The following ABCD2 variants were observed in gnomAD, a reference collection of about 807,000 sequenced individuals.
The protein encoded by ABCD2 is ATP-binding cassette sub-family D member 2.
ABCD2 carries 36 observed loss-of-function variants against 70.9 expected under a neutral mutation model. The ratio of observed to expected loss-of-function variants is 0.51; its 90% CI spans 0.39 to 0.67. The LOEUF (loss-of-function observed/expected upper bound fraction) is 0.67. Ranked by LOEUF, ABCD2 falls within the 30% of genes least tolerant of loss-of-function variation. ABCD2 has a pLI of 0.00. For synonymous variants in ABCD2, 304 were observed against 306.9 expected (o/e 0.99, Z 0.10); for missense variants, 729 against 890.2 (o/e 0.82, Z 2.30).
the ABCD2 span, among the ~76,000 whole-genome samples, chr12:39,531,399 G>A: frequency 6.6e-6 from 1 of 152,198 alleles, no homozygotes; most frequent in Non-Finnish European, 1.5e-5. Flanking sequence ...ATGCCCTTAA[G>A]AAGGAGGCTT....
At chr12:39,567,324 G>A (rs1053467526) in intron 9 of ABCD2, among the ~76,000 whole-genome samples, 1 of 152,170 alleles carries the variant, frequency 6.6e-6, no homozygotes, top group African/African-American at 2.4e-5. Context: ...TCTGTATTGG[G>A]TGCATATATA....
intron 8 of ABCD2, among the ~76,000 whole-genome samples, chr12:39,575,574 C>T (rs965659370): frequency 1.2e-4 from 18 of 152,226 alleles, no homozygotes; most frequent in African/African-American, 4.3e-4. Flanking sequence ...ATTTAAAATC[C>T]TCTCAAAAAG....
At chr12:39,594,197 A>T (rs1941784079) in intron 6 of ABCD2, among the ~76,000 whole-genome samples, 1 of 152,172 alleles carries the variant, frequency 6.6e-6, no homozygotes, top group African/African-American at 2.4e-5. Flanking sequence ...GATACCAATA[A>T]GGCAAAATGA....
intron 9 of ABCD2, among the ~76,000 whole-genome samples, chr12:39,568,677 C>T (rs1202359338): frequency 3.9e-5 from 6 of 152,166 alleles, no homozygotes; most frequent in Non-Finnish European, 7.3e-5. Flanking sequence ...TGAGGAGCTG[C>T]GTTCCTTTGG....
chr12:39,586,197 T>A lies in ABCD2; in HGVS notation c.1747A>T (p.Ile583Phe), dbSNP rs766723246. The A allele has an allele frequency of 1.2e-6, 2 of 1,613,576 alleles. No homozygotes were observed. Among genetic ancestry groups the A allele is most frequent in the South Asian group, 1.1e-5 (1 of 90,996 alleles). ...TGATAGAGATGGACATTGTGTAGGATACGTTCCAGATCTTGGTCTGTATAA... is the reference window on the plus strand; with the variant it reads ...TGATAGAGATGGACATTGTGTAGGAAACGTTCCAGATCTTGGTCTGTATAA... Reference protein sequence around the residue: ...KGYTDQDLERILHNVHLYHIV... With the variant: ...KGYTDQDLERFLHNVHLYHIV... Residue 583 changes from isoleucine to phenylalanine, a missense_variant, in exon 7 of 10, where the codon ATC (isoleucine) becomes TTC (phenylalanine). Around this residue, in one of 3 missense-constraint regions of ABCD2, gnomAD observed 289 missense variants for 328.8 expected, o/e 0.88. Coordinates refer to ENST00000308666, the MANE Select transcript of ABCD2 (RefSeq NM_005164.4).
intron 7 of ABCD2, among the ~76,000 whole-genome samples, chr12:39,580,908 T>C (rs560460313): frequency 6.6e-6 from 1 of 152,350 alleles, no homozygotes; most frequent in South Asian, 2.1e-4. Flanking sequence ...GTGTACTGTG[T>C]ATCTGAAAAG....
chr12:39,570,524 T>G (rs1168162213), intron 9 of ABCD2, among the ~76,000 whole-genome samples: 10 of 152,158 alleles, frequency 6.6e-5, no homozygotes. Flanking sequence ...AAACTGTATA[T>G]CCACAGGTAG....
chr12:39,533,536 A>G, the ABCD2 span, among the ~76,000 whole-genome samples: 1 of 152,316 alleles, frequency 6.6e-6, no homozygotes, highest in Non-Finnish European at 1.5e-5. Context: ...ATACCTCACA[A>G]TATTTCTAAG....
chr12:39,594,273 CCT>C (rs777675259), intron 6 of ABCD2, among the ~76,000 whole-genome samples: 45 of 152,276 alleles, frequency 3.0e-4, no homozygotes, highest in Admixed American at 9.8e-4. Context: ...AGGACTTAAA[CCT>C]CTTTAAGTTT....
downstream of ABCD2, among the ~76,000 whole-genome samples, chr12:39,549,650 C>T (rs1289410987): frequency 3.3e-5 from 5 of 151,978 alleles, no homozygotes; most frequent in Non-Finnish European, 5.9e-5. Context: ...GTGCATCTAT[C>T]TGTTTGGTTA....
chr12:39,569,911 G>A (rs1941422302), intron 9 of ABCD2, among the ~76,000 whole-genome samples: 1 of 151,990 alleles, frequency 6.6e-6, no homozygotes, highest in Non-Finnish European at 1.5e-5. Flanking sequence ...AAATCAGTAT[G>A]TAAAAATCAG....
In ABCD2 at chr12:39,550,633, T is replaced by A. The variant is rs1198676560; in HGVS notation, c.*3279A>T. Reference sequence around the variant, plus strand: ...AAGGCGCTCATGTGGCAAAACATATTCAACCCCAAAACATATTCAACATAT... The same window carrying A: ...AAGGCGCTCATGTGGCAAAACATATACAACCCCAAAACATATTCAACATAT... On this transcript the variant is annotated 3_prime_UTR_variant, in exon 10 of 10. Transcript: ENST00000308666. 11 of 151,874 alleles carry A rather than the reference T, an allele frequency of 7.2e-5. No homozygotes were observed. Among genetic ancestry groups the A allele is most frequent in the African/African-American group, 2.2e-4 (9 of 41,552 alleles). The allele number at this position is 151,874 out of a possible 1,614,324, so 9.4% of individuals were successfully genotyped here. A position where few individuals can be genotyped will look rare whatever the true frequency, so the allele number is the denominator to read the frequency against.
chr12:39,595,642 A>C (rs1171001449), intron 6 of ABCD2, among the ~76,000 whole-genome samples: 1 of 152,210 alleles, frequency 6.6e-6, no homozygotes, highest in Non-Finnish European at 1.5e-5. Context: ...ATTAAGTAAC[A>C]TGGTACTTGT....
At chr12:39,533,775 G>A in the ABCD2 span, among the ~76,000 whole-genome samples, 1 of 152,206 alleles carries the variant, frequency 6.6e-6, no homozygotes, top group African/African-American at 2.4e-5. Context: ...CATCGTCCAA[G>A]AAGTATCCCT....
chr12:39,561,133 C>T (rs1309550138), intron 9 of ABCD2, among the ~76,000 whole-genome samples: 3 of 151,954 alleles, frequency 2.0e-5, no homozygotes, highest in Non-Finnish European at 4.4e-5. Flanking sequence ...CAGTGGCTCA[C>T]GTCTGTAATC....
intron 2 of ABCD2, among the ~76,000 whole-genome samples, chr12:39,611,929 G>A (rs186640659): frequency 5.6e-4 from 85 of 152,150 alleles, no homozygotes; most frequent in African/African-American, 1.9e-3. Context: ...GTAAAAATGA[G>A]CAAAAGACTT....
At chr12:39,544,680 A>C in the ABCD2 span, among the ~76,000 whole-genome samples, 4 of 152,118 alleles carry the variant, frequency 2.6e-5, no homozygotes, top group South Asian at 8.3e-4. Flanking sequence ...CTTAAGGTGT[A>C]GATTATGAAG....
At chr12:39,540,309 T>TG in the ABCD2 span, among the ~76,000 whole-genome samples, 1 of 152,202 alleles carries the variant, frequency 6.6e-6, no homozygotes, top group Non-Finnish European at 1.5e-5. Flanking sequence ...CTAAGGGGTC[T>TG]GGGGAGTCAT....
the ABCD2 span, among the ~76,000 whole-genome samples, chr12:39,542,248 G>A: frequency 6.6e-6 from 1 of 152,150 alleles, no homozygotes; most frequent in African/African-American, 2.4e-5. Context: ...CGGATCATGA[G>A]GTCTGGAGAT....
Sources: gnomAD v4.1 joint callset for allele counts (sites outside exome capture counted in the v4.1 genomes callset) on GRCh38, gnomAD v4.1.1 for gene constraint, gnomAD v4.1.1 regional missense constraint, MANE v1.5 for transcripts, NCBI Gene and HGNC (gene_info 2026-07-23, HGNC 2026-07-21) for gene names.